Variants in BANP observed in about 807,000 individuals in gnomAD.
BANP encodes the protein BTG3 associated nuclear protein, also known as protein BANP.
A neutral mutation model predicts 68.1 loss-of-function variants in BANP; 11 were observed. The observed-to-expected ratio is 0.16, with a 90% CI of 0.10 to 0.27. BANP has a LOEUF of 0.27. Among genes scored for constraint, BANP ranks in the 10% least tolerant of loss-of-function variants. The pLI is 1.00. For synonymous variants in BANP, 329 were observed against 303.2 expected, an observed-to-expected ratio of 1.09 and a Z score of -0.88; for missense variants, 504 against 722.7, an observed-to-expected ratio of 0.70 and a Z score of 3.47.
chr16:87,990,211 C>G (rs2065574129), intron 4 of BANP, among the ~76,000 whole-genome samples: 1 of 152,080 alleles, frequency 6.6e-6, no homozygotes, highest in Non-Finnish European at 1.5e-5. Context: ...AGATGTTTAT[C>G]TTTAAGAACA....
At chr16:87,964,129 G>C (rs2059642591) in intron 1 of BANP, among the ~76,000 whole-genome samples, 1 of 152,200 alleles carries the variant, frequency 6.6e-6, no homozygotes, top group Non-Finnish European at 1.5e-5. Context: ...TTGAAATCAG[G>C]ACATGGGCAC....
intron 11 of BANP, among the ~76,000 whole-genome samples, chr16:88,058,327 C>T (rs996253139): frequency 4.6e-5 from 7 of 152,162 alleles, no homozygotes; most frequent in South Asian, 2.1e-4. Flanking sequence ...CCGAGGAGGA[C>T]GGCAGGCAGG....
intron 13 of BANP, among the ~76,000 whole-genome samples, chr16:88,074,942 G>T (rs1376221512): frequency 6.6e-6 from 1 of 152,202 alleles, no homozygotes; most frequent in Admixed American, 6.5e-5. Context: ...AGTGTTTCAT[G>T]CCTGTAATCC....
At chr16:87,954,223 T>G (rs1025167907) in intron 1 of BANP, among the ~76,000 whole-genome samples, 41 of 152,362 alleles carry the variant, frequency 2.7e-4, no homozygotes, top group African/African-American at 9.9e-4. Flanking sequence ...GGCTTTAATA[T>G]GTGTTCACAA....
At chr16:88,032,004 A>T (rs1332437191) in intron 8 of BANP, among the ~76,000 whole-genome samples, 1 of 151,848 alleles carries the variant, frequency 6.6e-6, no homozygotes, top group Non-Finnish European at 1.5e-5. Flanking sequence ...GGGGTTCACC[A>T]TGTTGGTCAG....
intron 4 of BANP, among the ~76,000 whole-genome samples, chr16:87,995,555 T>C (rs1354774256): frequency 6.6e-6 from 1 of 152,242 alleles, no homozygotes; most frequent in Non-Finnish European, 1.5e-5. Context: ...ATTAGAAAAG[T>C]AGTATCAGCT....
At chr16:88,060,813 A>T (rs1747602269) in intron 11 of BANP, among the ~76,000 whole-genome samples, 1 of 152,114 alleles carries the variant, frequency 6.6e-6, no homozygotes. Flanking sequence ...TGCACGCGTC[A>T]TGCAGATACA....
rs1243791234 is a variant in BANP at position 88,003,960 on chromosome 16, A to G, written c.363-335A>G. On this transcript the variant is annotated intron_variant, in intron 4 of 13. Transcript: ENST00000682872. This position sits in a 1 kb window ranked among gnomAD's most constrained non-coding sequence, Gnocchi z 6.1. ...CTAGAAGCTTTATTAACTGGGTGCG[A>G]TAACAGCTGGTGCGGTTGCAGTCTA... is the stretch of plus-strand genomic sequence containing the variant. The G allele has an allele frequency of 3.1e-6, 1 of 326,848 alleles. No homozygotes were observed. The highest frequency in any genetic ancestry group is 5.8e-6 in the Non-Finnish European group (1 of 171,438). 20.2% of individuals were successfully genotyped at this position (326,848 alleles called of 1,614,324 possible).
intron 1 of BANP, among the ~76,000 whole-genome samples, chr16:87,974,695 C>T (rs1044570858): frequency 7.2e-5 from 11 of 152,104 alleles, no homozygotes; most frequent in Non-Finnish European, 1.0e-4. Context: ...AGCGACAGAG[C>T]GTTTGCTGTA....
intron 1 of BANP, among the ~76,000 whole-genome samples, chr16:87,961,415 C>A (rs532842902): frequency 6.9e-6 from 1 of 145,458 alleles, no homozygotes; most frequent in Non-Finnish European, 1.6e-5. Flanking sequence ...CTGCACCCCC[C>A]CGGGCCTCCC....
chr16:88,037,707 A>G, intron 10 of BANP: 1 of 498,378 alleles, frequency 2.0e-6, no homozygotes, highest in East Asian at 3.5e-5. Flanking sequence ...TGAAGTAAAA[A>G]TGACATTTTC....
intron 11 of BANP, among the ~76,000 whole-genome samples, chr16:88,041,365 G>T (rs2080748871): frequency 6.6e-6 from 1 of 152,214 alleles, no homozygotes; most frequent in South Asian, 2.1e-4. Flanking sequence ...AAGCGCCATT[G>T]TGCTGCGTTG....
Position 88,057,436 on chromosome 16 carries a change from C to A in BANP, c.1312-7831C>A, listed in dbSNP as rs1350283115. Among the ~76,000 whole-genome samples the A allele has an allele frequency of 3.3e-5, 5 of 152,092 alleles. No individual in the cohort carries two copies. Among genetic ancestry groups the A allele is most frequent in the East Asian group, 1.9e-4 (1 of 5,176 alleles). On this transcript the variant is annotated intron_variant, in intron 11 of 13. Transcript: ENST00000682872. This position sits in a 1 kb window ranked among gnomAD's most constrained non-coding sequence, Gnocchi z 4.6. Reference sequence around the variant, plus strand: ...GGAAGGATGGTGGCTGAAGGTGAGCCTTCTCCAGGGGGATGCCCTGGAGAC... The same window carrying A: ...GGAAGGATGGTGGCTGAAGGTGAGCATTCTCCAGGGGGATGCCCTGGAGAC...
intron 1 of BANP, among the ~76,000 whole-genome samples, chr16:87,954,375 C>T (rs1436700679): frequency 6.6e-6 from 1 of 152,176 alleles, no homozygotes; most frequent in African/African-American, 2.4e-5. Context: ...TTTCTTGTTT[C>T]CACTAATGTC....
chr16:88,023,290 C>G (rs1215896762), intron 7 of BANP, among the ~76,000 whole-genome samples: 3 of 152,094 alleles, frequency 2.0e-5, no homozygotes, highest in Non-Finnish European at 4.4e-5. Flanking sequence ...GGCTCTCTGG[C>G]TAACAGACTG....
chr16:87,954,917 A>T (rs917189308), intron 1 of BANP, among the ~76,000 whole-genome samples: 4 of 152,226 alleles, frequency 2.6e-5, no homozygotes, highest in Non-Finnish European at 5.9e-5. Flanking sequence ...TGGCCTTGGT[A>T]ATTGCCCACA....
chr16:88,027,340 C>A, intron 7 of BANP, 143 bp from the exon 8 acceptor site: 1 of 877,190 alleles, frequency 1.1e-6, no homozygotes, highest in Non-Finnish European at 1.8e-6. Context: ...CCTTTCCAGA[C>A]CCTTGCAGGA....
intron 4 of BANP, among the ~76,000 whole-genome samples, chr16:87,996,101 G>T (rs1174122637): frequency 6.6e-6 from 1 of 152,204 alleles, no homozygotes; most frequent in African/African-American, 2.4e-5. Flanking sequence ...AGTCATGTCT[G>T]TTCTCTGTCC....
chr16:88,051,398 A>T (rs967814437), intron 11 of BANP, among the ~76,000 whole-genome samples: 2 of 152,158 alleles, frequency 1.3e-5, no homozygotes, highest in African/African-American at 4.8e-5. Context: ...TAAGGGCAGG[A>T]CCCGTGCCCA....
Sources: gnomAD v4.1 joint callset for allele counts (sites outside exome capture counted in the v4.1 genomes callset) on GRCh38, gnomAD v4.1.1 for gene constraint, Gnocchi (gnomAD v3.1) non-coding constraint, MANE v1.5 for transcripts, NCBI Gene and HGNC (gene_info 2026-07-23, HGNC 2026-07-21) for gene names.